The following GREB1 variants were observed in gnomAD, a reference collection of about 807,000 sequenced individuals.
GREB1 encodes the protein protein GREB1.
Under a neutral mutation model 200.7 loss-of-function variants are expected in GREB1, and 106 were observed. The observed-to-expected ratio is 0.53, with a 90% confidence interval of 0.45 to 0.62. The LOEUF (loss-of-function observed/expected upper bound fraction) is 0.62. Among genes scored for constraint, GREB1 ranks in the 20% least tolerant of loss-of-function variants. GREB1 has a pLI of 0.00. For synonymous variants in GREB1, 1,132 were observed against 1,092.4 expected (o/e 1.04, Z -0.72); for missense variants, 2,243 against 2,556.8 (o/e 0.88, Z 2.65).
chr2:11,538,865 G>T (rs1418122052), intron 1 of GREB1, among the ~76,000 whole-genome samples: 1 of 86,612 alleles, frequency 1.2e-5, no homozygotes, highest in East Asian at 3.7e-4. Context: ...TCCTCCCTCC[G>T]TCCCTCCCTT....
At chr2:11,508,975 C>A (rs368387908) in intron 1 of GREB1, among the ~76,000 whole-genome samples, 1,939 of 150,720 alleles carry the variant, frequency 0.013, 24 homozygotes, top group African/African-American at 0.033. Flanking sequence ...CCCGGGTTCA[C>A]GCCATTCTCC....
intron 1 of GREB1, among the ~76,000 whole-genome samples, chr2:11,539,369 G>A (rs563252263): frequency 7.2e-5 from 11 of 152,102 alleles, no homozygotes; most frequent in Non-Finnish European, 1.6e-4. Flanking sequence ...GTGTTTTCTT[G>A]AAGATTTCCT....
chr2:11,495,414 T>A (rs1210114329), intron 1 of GREB1, among the ~76,000 whole-genome samples: 2 of 152,160 alleles, frequency 1.3e-5, no homozygotes, highest in Middle Eastern at 3.2e-3. Flanking sequence ...TCATTCGGTA[T>A]TTTTTTCATA....
intron 7 of GREB1, among the ~76,000 whole-genome samples, chr2:11,581,528 T>C (rs1679477245): frequency 6.6e-6 from 1 of 151,430 alleles, no homozygotes; most frequent in Non-Finnish European, 1.5e-5. Flanking sequence ...ATGAGAGGGG[T>C]GAGTGAAGGG....
chr2:11,635,502 C>G, intron 30 of GREB1, 97 bp downstream of exon 30: 1 of 1,401,544 alleles, frequency 7.1e-7, no homozygotes, highest in Non-Finnish European at 9.6e-7. Context: ...GGCCATGTCT[C>G]TTTCAAGCGC....
intron 1 of GREB1, among the ~76,000 whole-genome samples, chr2:11,543,447 C>T (rs1292563758): frequency 2.0e-5 from 3 of 152,092 alleles, no homozygotes; most frequent in South Asian, 2.1e-4. Flanking sequence ...TCACTACAGC[C>T]GTGTAAGGTG....
At chr2:11,615,433 G>A in intron 20 of GREB1, 143 bp downstream of exon 20, 1 of 651,256 alleles carries the variant, frequency 1.5e-6, no homozygotes, top group East Asian at 2.8e-5. Context: ...CAGCGGCTCT[G>A]GATGAGAGGT....
chr2:11,587,449 A>AT, intron 9 of GREB1: 1 of 1,613,924 alleles, frequency 6.2e-7, no homozygotes, highest in East Asian at 2.2e-5. Context: ...CCCGGAGCTT[A>AT]TGAGAGGCGT....
At position 11,598,757 on chromosome 2, in the gene GREB1, A is replaced by G. The variant is rs775500879; in HGVS notation, c.2230A>G (p.Thr744Ala). ...GGAACAGTATGTTCTGAAGCTAGAC[A>G]CGGAGGCACAGACAAAATTTAAGGC... ...RVEQYVLKLD[T>A]EAQTKFKAFL... The change falls in exon 15 of 33, where the codon ACG (threonine) becomes GCG (alanine). Residue 744 changes from threonine (T) to alanine (A), a missense_variant. Physicochemically the swap from Thr to Ala is moderately conservative, Grantham distance 58. Coordinates refer to ENST00000381486, the MANE Select transcript of GREB1 (RefSeq NM_014668.4). The G allele has an allele frequency of 1.2e-6, 2 of 1,614,208 alleles. No individual in the cohort carries two copies. Among genetic ancestry groups the G allele is most frequent in the South Asian group, 1.1e-5 (1 of 91,090 alleles).
In GREB1 at chr2:11,590,431, G is replaced by T. The variant is rs377736782; in HGVS notation, c.1345+1500G>T. Among the ~76,000 whole-genome samples, 6 of 152,210 alleles carry T rather than the reference G, an allele frequency of 3.9e-5. No homozygotes were observed. The East Asian group carries it at 1.2e-3, about 29-fold the overall frequency. On this transcript the variant is annotated intron_variant, in intron 10 of 32. Transcript: ENST00000381486. ...GGTCCCACCTGCTTGCTCTGTCCCA[G>T]CCCACTGTCCCCCTCAGCAATCTTG...
rs1463795048 is a variant in GREB1, at chr2:11,600,880, A to G, written c.2414A>G (p.Lys805Arg). ...VDRLLNCREV[K>R]EAPNIVTLHV... Reference sequence around the variant, plus strand: ...CGATTGCTCAACTGCAGGGAGGTGAAGGAGGCCCCCAACATTGTGACACTT... The same window carrying G: ...CGATTGCTCAACTGCAGGGAGGTGAGGGAGGCCCCCAACATTGTGACACTT... The change falls in exon 16 of 33, where the codon AAG becomes AGG. Residue 805 changes from lysine (K) to arginine (R), a missense_variant. Around this residue, in one of 3 missense-constraint regions of GREB1, gnomAD observed 1,178 missense variants for 1,387.4 expected, o/e 0.85. Transcript: ENST00000381486. The G allele has an allele frequency of 6.2e-7, 1 of 1,614,116 alleles. No individual in the cohort carries two copies. The highest frequency in any genetic ancestry group is 8.5e-7 in the Non-Finnish European group (1 of 1,179,988).
At chr2:11,527,042 C>T (rs945939427) in intron 1 of GREB1, among the ~76,000 whole-genome samples, 1 of 152,212 alleles carries the variant, frequency 6.6e-6, no homozygotes, top group Non-Finnish European at 1.5e-5. Flanking sequence ...TGCCCTCCAT[C>T]CTTCCACTAC....
intron 1 of GREB1, among the ~76,000 whole-genome samples, chr2:11,527,692 C>T (rs1213345205): frequency 6.6e-6 from 1 of 152,158 alleles, no homozygotes; most frequent in Admixed American, 6.5e-5. Flanking sequence ...TGCCTAGGCT[C>T]CATAGATTCT....
intron 4 of GREB1, among the ~76,000 whole-genome samples, chr2:11,570,749 CAATT>C (rs1678182900): frequency 6.6e-6 from 1 of 152,066 alleles, no homozygotes; most frequent in Admixed American, 6.5e-5. Context: ...GTCAGATACA[CAATT>C]GATTTTTAGG....
At chr2:11,509,740 A>T (rs968134831) in intron 1 of GREB1, among the ~76,000 whole-genome samples, 1 of 152,182 alleles carries the variant, frequency 6.6e-6, no homozygotes, top group South Asian at 2.1e-4. Flanking sequence ...TGCCCCTTCC[A>T]CCATGTGAGG....
rs571543339 is a variant in GREB1 at position 11,626,943 on chromosome 2, C to G, written c.4307-19C>G. 2.5e-6 allele frequency: 4 copies of G among 1,613,882 alleles called. No homozygotes were observed. Among genetic ancestry groups the G allele is most frequent in the Non-Finnish European group, 3.4e-6 (4 of 1,179,802 alleles). On this transcript the variant is annotated intron_variant, in intron 24 of 32. Transcript: ENST00000381486. ...GCTTTGCTCCCTGCTGCTTTTTAAT[C>G]CTGGGGAATTTGGTGCAGACAGAGG...
upstream of GREB1, among the ~76,000 whole-genome samples, chr2:11,532,871 G>A (rs959740916): frequency 2.0e-5 from 3 of 152,232 alleles, no homozygotes; most frequent in East Asian, 3.8e-4. Context: ...CCATATGGCA[G>A]ACGGTGTAAA....
chr2:11,634,348 C>G lies in GREB1; in HGVS notation c.5209C>G (p.Arg1737Gly). 6.2e-7 allele frequency: 1 copy of G among 1,611,588 alleles called. No individual in the cohort carries two copies. Among genetic ancestry groups the G allele is most frequent in the Non-Finnish European group, 8.5e-7 (1 of 1,178,292 alleles). The change falls in exon 29 of 33, where the codon CGG becomes GGG. Residue 1737 changes from arginine to glycine, a missense_variant and splice_region_variant. Coordinates refer to ENST00000381486, the MANE Select transcript of GREB1 (RefSeq NM_014668.4). The part of the protein sequence containing the change: ...LTQNVQYNQN[R>G]FLCDDVDFNL... ...CCAGAACGTGCAGTACAACCAGAAC[C>G]GGTGAGCTCCTGCACCTGGGGCAGA...
intron 1 of GREB1, among the ~76,000 whole-genome samples, chr2:11,495,795 C>CTTTTTTTTTT (rs1393933225): frequency 1.4e-5 from 2 of 140,530 alleles, no homozygotes; most frequent in African/African-American, 2.6e-5. Context: ...TAAGTCCCCC[C>CTTTTTTTTTT]GTTTTTTTTT....
Sources: gnomAD v4.1 joint callset for allele counts (sites outside exome capture counted in the v4.1 genomes callset) on GRCh38, gnomAD v4.1.1 for gene constraint, gnomAD v4.1.1 regional missense constraint, MANE v1.5 for transcripts, NCBI Gene and HGNC (gene_info 2026-07-23, HGNC 2026-07-21) for gene names.